MRPS9: variants seen among roughly 807,000 people sequenced by gnomAD.
MRPS9 encodes mitochondrial ribosomal protein S9.
A neutral mutation model predicts 59.9 loss-of-function variants in MRPS9; 45 were observed. That is an observed-to-expected ratio of 0.75 (90% CI 0.59 to 0.96). The LOEUF is 0.96. Among genes scored for constraint, MRPS9 ranks in the 40% least tolerant of loss-of-function variants. The pLI, the probability that MRPS9 is intolerant of heterozygous loss-of-function variation, is 0.00. For synonymous variants in MRPS9, 171 were observed against 166.8 expected (o/e 1.03, Z -0.19); for missense variants, 473 against 481.1 (o/e 0.98, Z 0.16).
chr2:105,091,193 G>A (rs1328448256), intron 7 of MRPS9: 2 of 435,210 alleles, frequency 4.6e-6, no homozygotes, highest in South Asian at 3.4e-5. Context: ...TGTACTTTGG[G>A]GTACTGGATA....
chr2:105,099,875 G>A lies in MRPS9; in HGVS notation c.*114G>A. ...GGGCAGTACTGTCAGAAATTTCTTT[G>A]AGCTGTGAGATGGATTTATTTTTAA... On this transcript the variant is annotated 3_prime_UTR_variant, in exon 11 of 11. Coordinates refer to ENST00000258455, the MANE Select transcript of MRPS9 (RefSeq NM_182640.3). The A allele has an allele frequency of 1.4e-6, 1 of 717,304 alleles. No individual in the cohort carries two copies. The highest frequency in any genetic ancestry group is 2.2e-6 in the Non-Finnish European group (1 of 454,314). 44.4% of individuals were successfully genotyped at this position (717,304 alleles called of 1,614,324 possible).
At chr2:105,095,487 A>ATTTTTTTTTTTTTTTTTTTTTTTT (rs138410859) in intron 9 of MRPS9, among the ~76,000 whole-genome samples, 1 of 140,114 alleles carries the variant, frequency 7.1e-6, no homozygotes. Flanking sequence ...CAGTCTGTAC[A>ATTTTTTTTTTTTTTTTTTTTTTTT]TTTTTTTTTT....
intron 2 of MRPS9, among the ~76,000 whole-genome samples, chr2:105,062,234 T>C (rs1246930199): frequency 6.6e-6 from 1 of 152,196 alleles, no homozygotes; most frequent in East Asian, 1.9e-4. Flanking sequence ...AACTTTGAAG[T>C]CCAGGCTGAA....
At chr2:105,071,249 A>G (rs1680105155) in intron 2 of MRPS9, 64 bp from the exon 3 acceptor site, 7 of 1,354,050 alleles carry the variant, frequency 5.2e-6, no homozygotes, top group African/African-American at 2.9e-5. Context: ...AAAGCACTCT[A>G]TAACTATTAG....
chr2:105,042,309 G>C (rs567811783), intron 1 of MRPS9, among the ~76,000 whole-genome samples: 20 of 152,320 alleles, frequency 1.3e-4, no homozygotes, highest in South Asian at 6.2e-4. Flanking sequence ...GCAGGCTGTC[G>C]GGCTGAAGGC....
intron 4 of MRPS9, among the ~76,000 whole-genome samples, chr2:105,077,898 A>G (rs991163694): frequency 6.6e-6 from 1 of 152,232 alleles, no homozygotes; most frequent in Non-Finnish European, 1.5e-5. Flanking sequence ...TTATTGATAA[A>G]TTGAATATAA....
chr2:105,049,274 A>G lies in MRPS9; in HGVS notation c.239A>G (p.Glu80Gly). The G allele has an allele frequency of 6.2e-7, 1 of 1,612,944 alleles. No homozygotes were observed. Among genetic ancestry groups the G allele is most frequent in the Non-Finnish European group, 8.5e-7 (1 of 1,179,538 alleles). The stretch of plus-strand genomic sequence containing the variant: ...GATTTTATTAAAAAGCAGATTGAAG[A>G]GTTCAACATAGGAAAGAGACATTTA... ...TEDFIKKQIE[E>G]FNIGKRHLAN... Residue 80 changes from glutamate (E) to glycine (G), a missense_variant, in exon 2 of 11, where the codon GAG becomes GGG. Glu to Gly is a moderately conservative substitution (Grantham distance 98). Coordinates refer to ENST00000258455, the MANE Select transcript of MRPS9 (RefSeq NM_182640.3).
In MRPS9 at chr2:105,071,333, C is replaced by G. The variant is rs1454721723; in HGVS notation, c.336C>G (p.Phe112Leu). The change falls in exon 3 of 11, where the codon TTC (phenylalanine) becomes TTG (leucine). Residue 112 changes from phenylalanine (F) to leucine (L), a missense_variant. Coordinates refer to ENST00000258455, the MANE Select transcript of MRPS9 (RefSeq NM_182640.3). ...TTCAGAGAGCTATTGCTTACCTTTT[C>G]CCAAGTGGTTTGTTTGAGAAACGAG... Reference protein sequence around the residue: ...EDIDRAIAYLFPSGLFEKRAR... With the variant: ...EDIDRAIAYLLPSGLFEKRAR... The G allele has an allele frequency of 6.2e-7, 1 of 1,610,088 alleles. No individual in the cohort carries two copies. The highest frequency in any genetic ancestry group is 1.7e-5 in the Admixed American group (1 of 59,988).
At chr2:105,045,578 A>T (rs982024759) in intron 1 of MRPS9, among the ~76,000 whole-genome samples, 1 of 152,166 alleles carries the variant, frequency 6.6e-6, no homozygotes, top group African/African-American at 2.4e-5. Flanking sequence ...AGGAGGTTGA[A>T]AGGGTTGCAA....
chr2:105,082,761 C>A (rs568147499), intron 5 of MRPS9, among the ~76,000 whole-genome samples: 3 of 152,300 alleles, frequency 2.0e-5, no homozygotes, highest in African/African-American at 7.2e-5. Context: ...AAATGTGCCA[C>A]ACTCCACAGG....
intron 2 of MRPS9, among the ~76,000 whole-genome samples, chr2:105,066,800 G>A (rs1342541602): frequency 2.0e-5 from 3 of 152,142 alleles, no homozygotes; most frequent in Admixed American, 6.6e-5. Context: ...GACTGAGAAC[G>A]AGGCCTGAGG....
intron 1 of MRPS9, among the ~76,000 whole-genome samples, chr2:105,048,408 C>T (rs1195958770): frequency 2.0e-5 from 3 of 151,546 alleles, no homozygotes; most frequent in Non-Finnish European, 2.9e-5. Context: ...TGCTAAATGA[C>T]GAGTTAATGG....
chr2:105,051,272 G>A (rs374399314), intron 2 of MRPS9, among the ~76,000 whole-genome samples: 2 of 152,274 alleles, frequency 1.3e-5, no homozygotes, highest in East Asian at 3.9e-4. Flanking sequence ...TGGACATTCA[G>A]TTGTTCCGGC....
At chr2:105,044,299 T>G (rs1404680354) in intron 1 of MRPS9, among the ~76,000 whole-genome samples, 1 of 152,220 alleles carries the variant, frequency 6.6e-6, no homozygotes, top group East Asian at 1.9e-4. Context: ...TAGCTAAAGA[T>G]CTGTTTTTTT....
intron 1 of MRPS9, among the ~76,000 whole-genome samples, chr2:105,039,873 C>T (rs139798413): frequency 7.9e-4 from 120 of 152,248 alleles, no homozygotes; most frequent in African/African-American, 2.8e-3. Context: ...ATCTCCTTGA[C>T]CATTCTTGAA....
intron 2 of MRPS9, among the ~76,000 whole-genome samples, chr2:105,059,527 C>T (rs543370395): frequency 1.3e-5 from 2 of 152,024 alleles, no homozygotes; most frequent in East Asian, 1.9e-4. Context: ...ATGGAAAAAC[C>T]ATTAACTGAG....
chr2:105,045,656 C>T (rs1364944695), intron 1 of MRPS9, among the ~76,000 whole-genome samples: 1 of 149,138 alleles, frequency 6.7e-6, no homozygotes, highest in Non-Finnish European at 1.5e-5. Flanking sequence ...TAATGCTGAA[C>T]GGTACAATCT....
At chr2:105,074,558 TAC>T (rs1032325626) in intron 4 of MRPS9, among the ~76,000 whole-genome samples, 1 of 152,228 alleles carries the variant, frequency 6.6e-6, no homozygotes, top group Admixed American at 6.5e-5. Flanking sequence ...TGTGTTAACT[TAC>T]ACTCTTCACA....
chr2:105,090,318 A>C (rs780171038), intron 7 of MRPS9, among the ~76,000 whole-genome samples: 2 of 152,188 alleles, frequency 1.3e-5, no homozygotes, highest in Non-Finnish European at 2.9e-5. Flanking sequence ...ACGTAAGGCC[A>C]GTAGCTAATT....
Sources: gnomAD v4.1 joint callset for allele counts (sites outside exome capture counted in the v4.1 genomes callset) on GRCh38, gnomAD v4.1.1 for gene constraint, MANE v1.5 for transcripts, NCBI Gene and HGNC (gene_info 2026-07-23, HGNC 2026-07-21) for gene names.